HNF1B: variants seen among roughly 807,000 people sequenced by gnomAD.
HNF1B encodes the protein hepatocyte nuclear factor 1-beta.
In HNF1B, 8 loss-of-function variants were observed where a neutral mutation model predicts 61.7. That is an observed-to-expected ratio of 0.13 (90% CI 0.08 to 0.23). The LOEUF is 0.23. HNF1B is among the 10% of genes least tolerant of loss of function. The probability of loss-of-function intolerance (pLI) is 1.00; values close to 1 mark genes in which losing one functional copy is unlikely to be tolerated. For missense variants in HNF1B, 562 were observed against 714.5 expected (o/e 0.79, Z 2.43); for synonymous variants, 314 against 287.7 (o/e 1.09, Z -0.93).
chr17:37,691,666 T>C (rs1279067368), intron 8 of HNF1B, among the ~76,000 whole-genome samples: 1 of 152,138 alleles, frequency 6.6e-6, no homozygotes, highest in South Asian at 2.1e-4. Context: ...GGTATCATTA[T>C]CTTCATTTTA....
At chr17:37,690,760 G>A (rs1277819765) in intron 8 of HNF1B, among the ~76,000 whole-genome samples, 1 of 152,198 alleles carries the variant, frequency 6.6e-6, no homozygotes, top group African/African-American at 2.4e-5. Context: ...AAAATGAAGA[G>A]TTCCTATTTT....
chr17:37,690,271 G>A (rs1177163948), intron 8 of HNF1B, among the ~76,000 whole-genome samples: 1 of 152,170 alleles, frequency 6.6e-6, no homozygotes, highest in Non-Finnish European at 1.5e-5. Flanking sequence ...CTTCAGCCCT[G>A]GCACAGCTAA....
chr17:37,740,249 G>T (rs984276782), intron 1 of HNF1B, among the ~76,000 whole-genome samples: 1 of 152,118 alleles, frequency 6.6e-6, no homozygotes, highest in African/African-American at 2.4e-5. Context: ...GATTACAGAC[G>T]TGAGCCACCG....
At chr17:37,721,988 T>C (rs1007686314) in intron 4 of HNF1B, among the ~76,000 whole-genome samples, 5 of 152,192 alleles carry the variant, frequency 3.3e-5, no homozygotes, top group African/African-American at 1.2e-4. Flanking sequence ...AAAGTTCTTA[T>C]GCCTGTGAAC....
intron 4 of HNF1B, among the ~76,000 whole-genome samples, chr17:37,726,083 C>G (rs1436243386): frequency 6.6e-6 from 1 of 151,994 alleles, no homozygotes; most frequent in Non-Finnish European, 1.5e-5. Context: ...CCCAAAGCCT[C>G]AGTGTCATTT....
intron 1 of HNF1B, among the ~76,000 whole-genome samples, chr17:37,741,216 C>G (rs1037354393): frequency 1.3e-5 from 2 of 152,094 alleles, no homozygotes; most frequent in Non-Finnish European, 2.9e-5. Context: ...TTAAATATGT[C>G]AAATAAAATT....
At position 37,744,943 on chromosome 17, in the gene HNF1B, G is replaced by T; in HGVS notation, c.-59C>A. On this transcript the variant is annotated 5_prime_UTR_variant, in exon 1 of 9. Transcript: ENST00000617811. Reference sequence around the variant, plus strand: ...GTGGGTGGGTGCGAGAGAGGAGGGTGGAGGGGAGTTTCACAAGCAAACCCC... The same window carrying T: ...GTGGGTGGGTGCGAGAGAGGAGGGTTGAGGGGAGTTTCACAAGCAAACCCC... 1 of 1,408,666 alleles carries T rather than the reference G, an allele frequency of 7.1e-7. No individual in the cohort carries two copies. Among genetic ancestry groups the T allele is most frequent in the Non-Finnish European group, 9.9e-7 (1 of 1,011,900 alleles). The allele number at this position is 1,408,666 out of a possible 1,614,324, so 87.3% of individuals were successfully genotyped here.
intron 8 of HNF1B, among the ~76,000 whole-genome samples, chr17:37,694,995 G>T (rs2032337390): frequency 1.3e-5 from 2 of 152,242 alleles, no homozygotes; most frequent in Non-Finnish European, 2.9e-5. Flanking sequence ...GCAACAGCTT[G>T]CTAGAGAGAT....
chr17:37,690,528 A>G (rs1484943388), intron 8 of HNF1B, among the ~76,000 whole-genome samples: 2 of 152,130 alleles, frequency 1.3e-5, no homozygotes, highest in African/African-American at 4.8e-5. Context: ...GGGAGAGACA[A>G]GGGGGCCTGG....
chr17:37,736,857 T>C (rs2033847337), intron 2 of HNF1B, among the ~76,000 whole-genome samples: 1 of 152,190 alleles, frequency 6.6e-6, no homozygotes, highest in South Asian at 2.1e-4. Context: ...GGGGCTTGGC[T>C]CTAGCCTCTC....
intron 1 of HNF1B, 49 bp downstream of exon 1, chr17:37,744,491 CG>C (rs761800914): frequency 6.3e-7 from 1 of 1,581,984 alleles, no homozygotes; most frequent in Non-Finnish European, 8.6e-7. Flanking sequence ...GGCCCGGGGC[CG>C]GGGCTCCAGG....
At chr17:37,687,454 G>T in intron 8 of HNF1B, 62 bp from the exon 9 acceptor site, 1 of 1,329,664 alleles carries the variant, frequency 7.5e-7, no homozygotes, top group Non-Finnish European at 1.1e-6. Context: ...TGGGCCATTA[G>T]TTTGGCTTCT....
At chr17:37,725,167 G>C (rs1295196376) in intron 4 of HNF1B, among the ~76,000 whole-genome samples, 2 of 152,098 alleles carry the variant, frequency 1.3e-5, no homozygotes, top group African/African-American at 2.4e-5. Flanking sequence ...CAGTTTCCAA[G>C]AGCACTTCTC....
chr17:37,696,187 G>C (rs1055750757), intron 8 of HNF1B, among the ~76,000 whole-genome samples: 1 of 152,166 alleles, frequency 6.6e-6, no homozygotes, highest in Non-Finnish European at 1.5e-5. Context: ...GCTCACACCT[G>C]TAATCCCAGC....
chr17:37,693,203 A>G (rs2032267543), intron 8 of HNF1B, among the ~76,000 whole-genome samples: 1 of 151,496 alleles, frequency 6.6e-6, no homozygotes, highest in African/African-American at 2.4e-5. Flanking sequence ...AAAAAAAAAA[A>G]AAAAAAAAAA....
intron 4 of HNF1B, among the ~76,000 whole-genome samples, chr17:37,718,803 G>A (rs1320830737): frequency 6.6e-6 from 1 of 152,202 alleles, no homozygotes; most frequent in Non-Finnish European, 1.5e-5. Flanking sequence ...AACATTTATT[G>A]AAGGAGTAAA....
At chr17:37,717,593 T>C (rs1333794437) in intron 4 of HNF1B, among the ~76,000 whole-genome samples, 1 of 152,200 alleles carries the variant, frequency 6.6e-6, no homozygotes, top group African/African-American at 2.4e-5. Context: ...TGGGCCAGGC[T>C]TGATGGACCC....
chr17:37,730,542 C>G (rs1035934201), intron 4 of HNF1B: 11 of 152,168 alleles, frequency 7.2e-5, no homozygotes, highest in African/African-American at 2.7e-4. Context: ...TGCTTGTACA[C>G]CACCCAGCTG....
At chr17:37,725,008 C>T (rs764911630) in intron 4 of HNF1B, among the ~76,000 whole-genome samples, 1 of 151,818 alleles carries the variant, frequency 6.6e-6, no homozygotes, top group African/African-American at 2.4e-5. Flanking sequence ...ATACTTCCCC[C>T]TAAAAAATAG....
Sources: allele counts gnomAD v4.1 joint callset (sites outside exome capture counted in the v4.1 genomes callset), GRCh38; gene constraint gnomAD v4.1.1; transcripts MANE v1.5; gene names NCBI Gene and HGNC (gene_info 2026-07-23, HGNC 2026-07-21).